Variants in AUTS2 observed in about 807,000 individuals in gnomAD.
AUTS2 encodes the protein activator of transcription and developmental regulator AUTS2.
In AUTS2, 17 loss-of-function variants were observed where a neutral mutation model predicts 112.4. The ratio of observed to expected loss-of-function variants is 0.15; its 90% confidence interval spans 0.10 to 0.23. The LOEUF (loss-of-function observed/expected upper bound fraction) is 0.23, where lower values mean the gene tolerates loss of function less well. Ranked by LOEUF, AUTS2 falls within the 10% of genes least tolerant of loss-of-function variation. AUTS2 has a pLI of 1.00. For synonymous variants in AUTS2, 751 were observed against 702.7 expected (o/e 1.07, Z -1.09); for missense variants, 1,510 against 1,701.6 (o/e 0.89, Z 1.98).
intron 4 of AUTS2, among the ~76,000 whole-genome samples, chr7:70,139,667 G>A (rs1157541320): frequency 6.6e-6 from 1 of 152,138 alleles, no homozygotes; most frequent in African/African-American, 2.4e-5. Flanking sequence ...CAAGGAAGAT[G>A]AAAAGTTACT....
intron 1 of AUTS2, among the ~76,000 whole-genome samples, chr7:69,624,047 A>G (rs1793813528): frequency 6.6e-6 from 1 of 152,168 alleles, no homozygotes; most frequent in Non-Finnish European, 1.5e-5. Flanking sequence ...GTTTTTGGTG[A>G]TGTTAAGTTT....
At chr7:69,960,302 A>G (rs995964150) in intron 2 of AUTS2, among the ~76,000 whole-genome samples, 1 of 152,208 alleles carries the variant, frequency 6.6e-6, no homozygotes, top group Non-Finnish European at 1.5e-5. Context: ...CTAAGTAACC[A>G]GGCTCATTTT....
chr7:70,593,037 G>A (rs550291891), intron 5 of AUTS2, among the ~76,000 whole-genome samples: 4 of 151,304 alleles, frequency 2.6e-5, no homozygotes, highest in Non-Finnish European at 5.9e-5. Flanking sequence ...TTCTTGTAGA[G>A]ATGGTGTTTC....
intron 1 of AUTS2, among the ~76,000 whole-genome samples, chr7:69,701,865 C>G (rs1054780213): frequency 6.6e-6 from 1 of 152,146 alleles, no homozygotes. Flanking sequence ...GAGTCCAGGT[C>G]TCCTGACTCT....
chr7:70,077,424 A>G (rs1178280475), intron 2 of AUTS2, among the ~76,000 whole-genome samples: 1 of 152,168 alleles, frequency 6.6e-6, no homozygotes, highest in African/African-American at 2.4e-5. Context: ...AGTGTTCCAT[A>G]TATGTATCTG....
intron 2 of AUTS2, among the ~76,000 whole-genome samples, chr7:70,094,070 C>A (rs1359546165): frequency 6.6e-6 from 1 of 152,196 alleles, no homozygotes; most frequent in East Asian, 1.9e-4. Flanking sequence ...TTCATTGTCA[C>A]TCCATCATTT....
intron 2 of AUTS2, among the ~76,000 whole-genome samples, chr7:69,921,172 A>T (rs190135693): frequency 6.6e-6 from 1 of 152,104 alleles, no homozygotes; most frequent in South Asian, 2.1e-4. Flanking sequence ...ATAAATGCCT[A>T]TGTGTTTTTC....
chr7:69,616,022 A>G (rs565614407), intron 1 of AUTS2, among the ~76,000 whole-genome samples: 1 of 152,178 alleles, frequency 6.6e-6, no homozygotes, highest in Admixed American at 6.5e-5. Context: ...CAAAAGTCCT[A>G]TTTACTTGTC....
intron 4 of AUTS2, among the ~76,000 whole-genome samples, chr7:70,289,493 TAA>T (rs1311422033): frequency 6.6e-6 from 1 of 152,216 alleles, no homozygotes; most frequent in Non-Finnish European, 1.5e-5. Context: ...AACAGAAACA[TAA>T]GATTTACATC....
chr7:70,452,320 G>A (rs1483606654), intron 5 of AUTS2, among the ~76,000 whole-genome samples: 3 of 152,116 alleles, frequency 2.0e-5, no homozygotes, highest in African/African-American at 4.8e-5. Flanking sequence ...TTAGTCAGAT[G>A]TGGTGGCAAG....
At chr7:69,814,304 A>G (rs1790666010) in intron 1 of AUTS2, among the ~76,000 whole-genome samples, 1 of 152,198 alleles carries the variant, frequency 6.6e-6, no homozygotes, top group Non-Finnish European at 1.5e-5. Flanking sequence ...CTTCTGCCCC[A>G]CTAGTTCCCC....
intron 5 of AUTS2, among the ~76,000 whole-genome samples, chr7:70,618,083 G>T (rs1315042174): frequency 9.9e-5 from 15 of 152,196 alleles, no homozygotes; most frequent in Non-Finnish European, 8.8e-5. Flanking sequence ...AAATGAGTCT[G>T]TATCTTTTTC....
chr7:69,770,292 T>C (rs1197570644), intron 1 of AUTS2, among the ~76,000 whole-genome samples: 1 of 152,256 alleles, frequency 6.6e-6, no homozygotes, highest in African/African-American at 2.4e-5. Context: ...CATAGAACTT[T>C]GTGTGGACAT....
At chr7:70,709,748 A>G (rs1809947952) in intron 6 of AUTS2, among the ~76,000 whole-genome samples, 2 of 152,194 alleles carry the variant, frequency 1.3e-5, no homozygotes, top group Non-Finnish European at 2.9e-5. Flanking sequence ...GGCCTCTCAG[A>G]ACCTGACGCT....
At chr7:70,745,325 G>A (rs1038793894) in intron 6 of AUTS2, among the ~76,000 whole-genome samples, 4 of 152,030 alleles carry the variant, frequency 2.6e-5, no homozygotes, top group Non-Finnish European at 4.4e-5. Context: ...AGCAGTTCTC[G>A]TTGGCTAATT....
intron 4 of AUTS2, among the ~76,000 whole-genome samples, chr7:70,228,333 G>A (rs139148301): frequency 4.7e-5 from 7 of 149,352 alleles, no homozygotes; most frequent in South Asian, 4.3e-4. Flanking sequence ...AAAATGTATC[G>A]CTTTTAGAAA....
At chr7:70,704,060 G>T (rs1372843638) in intron 6 of AUTS2, among the ~76,000 whole-genome samples, 1 of 152,186 alleles carries the variant, frequency 6.6e-6, no homozygotes, top group African/African-American at 2.4e-5. Flanking sequence ...CATCCTTTGA[G>T]CGTTCTTGGA....
At chr7:69,805,202 A>C (rs545621226) in intron 1 of AUTS2, among the ~76,000 whole-genome samples, 1 of 152,310 alleles carries the variant, frequency 6.6e-6, no homozygotes, top group South Asian at 2.1e-4. Context: ...ATCTGCAAAG[A>C]TACTGTGAGG....
intron 1 of AUTS2, among the ~76,000 whole-genome samples, chr7:69,724,201 TTCTAAC>T (rs1410892271): frequency 6.6e-6 from 1 of 152,210 alleles, no homozygotes; most frequent in African/African-American, 2.4e-5. Context: ...CACATTTTCT[TTCTAAC>T]TCTGTTTCTT....
Sources: allele counts gnomAD v4.1 joint callset (sites outside exome capture counted in the v4.1 genomes callset), GRCh38; gene constraint gnomAD v4.1.1; transcripts MANE v1.5; gene names NCBI Gene and HGNC (gene_info 2026-07-23, HGNC 2026-07-21).